Variants in DOCK4 observed in about 807,000 individuals in gnomAD.
DOCK4 encodes dedicator of cytokinesis protein 4.
In DOCK4, 97 loss-of-function variants were observed where a neutral mutation model predicts 268.1. The ratio of observed to expected loss-of-function variants is 0.36; its 90% confidence interval spans 0.31 to 0.43. The LOEUF (loss-of-function observed/expected upper bound fraction) is 0.43. Ranked by LOEUF, DOCK4 falls within the 20% of genes least tolerant of loss-of-function variation. The pLI is 1.00. For missense variants in DOCK4, 2,145 were observed against 2,455.7 expected, an observed-to-expected ratio of 0.87 and a Z score of 2.67; for synonymous variants, 954 against 887.2, an observed-to-expected ratio of 1.08 and a Z score of -1.34.
intron 1 of DOCK4, among the ~76,000 whole-genome samples, chr7:112,119,478 T>A (rs1377566884): frequency 1.3e-5 from 2 of 152,208 alleles, no homozygotes; most frequent in Non-Finnish European, 2.9e-5. Flanking sequence ...CTGTTGGCAC[T>A]CAGACACCTC....
chr7:112,092,262 G>A (rs1809707341), intron 1 of DOCK4, among the ~76,000 whole-genome samples: 1 of 152,102 alleles, frequency 6.6e-6, no homozygotes, highest in Non-Finnish European at 1.5e-5. Context: ...TTGCCACACT[G>A]GTCTTTCATC....
intron 8 of DOCK4, among the ~76,000 whole-genome samples, chr7:111,960,419 A>G (rs1277044171): frequency 6.6e-6 from 1 of 150,964 alleles, no homozygotes; most frequent in East Asian, 1.9e-4. Flanking sequence ...GTATATATTT[A>G]TCAATTCTAA....
At chr7:111,887,088 G>A (rs1306531202) in intron 16 of DOCK4, among the ~76,000 whole-genome samples, 4 of 152,142 alleles carry the variant, frequency 2.6e-5, no homozygotes, top group African/African-American at 9.7e-5. Flanking sequence ...ACTCACCTCT[G>A]GTTTAAATTC....
chr7:111,988,995 C>T lies in DOCK4; in HGVS notation c.464+20G>A. On this transcript the variant is annotated intron_variant, in intron 6 of 52. Coordinates refer to ENST00000428084, the MANE Select transcript of DOCK4 (RefSeq NM_001363540.2). Reference sequence around the variant, plus strand: ...TTGTGTTCACCTACTAGAGGCCGCCCTGTGATGCTCAATACTCACTCATTG... The same window carrying T: ...TTGTGTTCACCTACTAGAGGCCGCCTTGTGATGCTCAATACTCACTCATTG... 1.4e-5 allele frequency: 22 copies of T among 1,598,634 alleles called. No individual in the cohort carries two copies. Among genetic ancestry groups the T allele is most frequent in the Non-Finnish European group, 1.8e-5 (21 of 1,172,118 alleles).
chr7:111,834,659 G>C lies in DOCK4; in HGVS notation c.2764C>G (p.Leu922Val). The change falls in exon 26 of 53, where the codon CTA becomes GTA. Residue 922 changes from leucine to valine, a missense_variant. Leu to Val is a conservative substitution (Grantham distance 32). This residue lies in a region of DOCK4 where 1,598 missense variants were observed against 1,986.7 expected (regional missense o/e 0.80). Transcript: ENST00000428084. Reference sequence around the variant, plus strand: ...TGTCTATCTGTCATTTGTCGTAATAGGGACAGGAGACAAGCAACAAACTCC... The same window carrying C: ...TGTCTATCTGTCATTTGTCGTAATACGGACAGGAGACAAGCAACAAACTCC... ...TGEFVACLLS[L>V]LRQMTDRHYQ... 6.5e-7 allele frequency: 1 copy of C among 1,545,428 alleles called. No individual in the cohort carries two copies. The highest frequency in any genetic ancestry group is 8.7e-7 in the Non-Finnish European group (1 of 1,145,900).
intron 1 of DOCK4, among the ~76,000 whole-genome samples, chr7:112,188,804 A>G (rs1034032165): frequency 6.6e-6 from 1 of 152,250 alleles, no homozygotes; most frequent in Non-Finnish European, 1.5e-5. Flanking sequence ...TGTTGTTCAA[A>G]TAAATGCTCA....
At chr7:111,818,101 A>T (rs1321324436) in intron 27 of DOCK4, among the ~76,000 whole-genome samples, 1 of 152,150 alleles carries the variant, frequency 6.6e-6, no homozygotes, top group Admixed American at 6.5e-5. Flanking sequence ...GCTCTTTTTC[A>T]GTCTTCTTCA....
At chr7:111,931,115 G>A (rs920945175) in intron 12 of DOCK4, among the ~76,000 whole-genome samples, 4 of 152,118 alleles carry the variant, frequency 2.6e-5, no homozygotes, top group Non-Finnish European at 5.9e-5. Context: ...GTAGAGAAGG[G>A]CTGAGGTCAC....
At chr7:112,136,550 T>A (rs775476344) in intron 1 of DOCK4, among the ~76,000 whole-genome samples, 4 of 152,232 alleles carry the variant, frequency 2.6e-5, no homozygotes, top group Non-Finnish European at 5.9e-5. Flanking sequence ...AACAGAATTG[T>A]GTCCACCCTC....
intron 49 of DOCK4, 44 bp from the exon 50 acceptor site, chr7:111,737,033 C>T (rs1292149112): frequency 1.3e-6 from 2 of 1,522,582 alleles, no homozygotes; most frequent in African/African-American, 2.8e-5. Flanking sequence ...GATATACGGG[C>T]ATGTGAAACC....
chr7:111,979,243 G>T (rs1798429081), intron 7 of DOCK4, among the ~76,000 whole-genome samples: 1 of 152,104 alleles, frequency 6.6e-6, no homozygotes, highest in Admixed American at 6.6e-5. Context: ...AGCAAAGGGT[G>T]GAAAAAATTT....
chr7:112,098,737 G>A (rs983486012), intron 1 of DOCK4, among the ~76,000 whole-genome samples: 2 of 145,218 alleles, frequency 1.4e-5, no homozygotes, highest in Non-Finnish European at 3.0e-5. Flanking sequence ...GTAAAATTCA[G>A]TATATGTTAA....
chr7:112,101,416 C>T (rs1810666481), intron 1 of DOCK4, among the ~76,000 whole-genome samples: 1 of 152,220 alleles, frequency 6.6e-6, no homozygotes, highest in Non-Finnish European at 1.5e-5. Flanking sequence ...TTTGTATACA[C>T]CGTTGCTTAG....
intron 1 of DOCK4, among the ~76,000 whole-genome samples, chr7:112,019,184 G>A (rs1481451851): frequency 2.6e-5 from 4 of 152,048 alleles, no homozygotes; most frequent in Non-Finnish European, 4.4e-5. Flanking sequence ...TATATTCAAC[G>A]TTCAAAAATT....
Position 111,735,858 on chromosome 7 carries a change from C to T in DOCK4, c.5306-691G>A, listed in dbSNP as rs74418071. ...GGGTTCCAGTGACTCACTCCCTGTACAGACACTGCCATCTGGTGGGCATGT... is the reference window on the plus strand; with the variant it reads ...GGGTTCCAGTGACTCACTCCCTGTATAGACACTGCCATCTGGTGGGCATGT... On this transcript the variant is annotated intron_variant, in intron 50 of 52. Coordinates refer to ENST00000428084, the MANE Select transcript of DOCK4 (RefSeq NM_001363540.2). 1.2e-4 allele frequency among the ~76,000 whole-genome samples: 18 copies of T among 152,338 alleles called. No homozygotes were observed. In the East Asian group the frequency reaches 3.5e-3, roughly 29 times the overall value.
intron 8 of DOCK4, among the ~76,000 whole-genome samples, chr7:111,970,318 T>TA (rs35715861): frequency 5.3e-4 from 80 of 149,836 alleles, no homozygotes; most frequent in African/African-American, 1.8e-3. Context: ...GGCAAGTTAT[T>TA]AAAAAAAAAG....
chr7:111,732,440 T>C, intron 51 of DOCK4, 153 bp from the exon 52 acceptor site: 1 of 696,848 alleles, frequency 1.4e-6, no homozygotes, highest in Non-Finnish European at 2.4e-6. Context: ...AGAAGCTAAA[T>C]GATGCCTGTC....
At chr7:112,051,781 T>A (rs1805382249) in intron 1 of DOCK4, among the ~76,000 whole-genome samples, 1 of 152,276 alleles carries the variant, frequency 6.6e-6, no homozygotes, top group South Asian at 2.1e-4. Flanking sequence ...TTCAGGCATT[T>A]TAAAAAGGCA....
chr7:111,751,823 G>C (rs1796675299), intron 42 of DOCK4, among the ~76,000 whole-genome samples: 1 of 152,018 alleles, frequency 6.6e-6, no homozygotes, highest in South Asian at 2.1e-4. Flanking sequence ...TATGATCATA[G>C]TTCACTGTAA....
Sources: gnomAD v4.1 joint callset for allele counts (sites outside exome capture counted in the v4.1 genomes callset) on GRCh38, gnomAD v4.1.1 for gene constraint, gnomAD v4.1.1 regional missense constraint, MANE v1.5 for transcripts, NCBI Gene and HGNC (gene_info 2026-07-23, HGNC 2026-07-21) for gene names.